TXLNB: variants seen among roughly 807,000 people sequenced by gnomAD.
TXLNB encodes the protein beta-taxilin.
A neutral mutation model predicts 57.4 loss-of-function variants in TXLNB; 37 were observed. The ratio of observed to expected loss-of-function variants is 0.64; its 90% CI spans 0.50 to 0.85. The LOEUF is 0.85. TXLNB is among the 40% of genes least tolerant of loss of function. TXLNB has a pLI of 0.00. For missense variants in TXLNB, 848 were observed against 825.6 expected (o/e 1.03, Z -0.33); for synonymous variants, 302 against 309.6 (o/e 0.98, Z 0.26).
the TXLNB span, among the ~76,000 whole-genome samples, chr6:139,197,478 T>G: frequency 6.6e-6 from 1 of 152,170 alleles, no homozygotes; most frequent in Non-Finnish European, 1.5e-5. Context: ...CTTTCACTAG[T>G]TGGAGGTATG....
chr6:139,218,357 C>CA, the TXLNB span, among the ~76,000 whole-genome samples: 31 of 152,174 alleles, frequency 2.0e-4, no homozygotes, highest in South Asian at 5.8e-3. Flanking sequence ...GTGAATACTG[C>CA]AAAAAGATTT....
chr6:139,288,863 G>C lies in TXLNB; in HGVS notation c.37C>G (p.Arg13Gly). ...ANHSEQLSAE[R>G]QSTPPGDSSS... ...CTGTCACCTGGAGGTGTTGACTGTC[G>C]TTCCGCTGAGAGCTGTTCAGAGTGA... The change falls in exon 2 of 10, where the codon CGA (arginine) becomes GGA (glycine). Residue 13 changes from arginine to glycine, a missense_variant. Coordinates refer to ENST00000358430, the MANE Select transcript of TXLNB (RefSeq NM_153235.4). 6.2e-7 allele frequency: 1 copy of C among 1,614,074 alleles called. No individual in the cohort carries two copies. Among genetic ancestry groups the C allele is most frequent in the East Asian group, 2.2e-5 (1 of 44,884 alleles).
At chr6:139,160,116 C>T in the TXLNB span, among the ~76,000 whole-genome samples, 3 of 152,128 alleles carry the variant, frequency 2.0e-5, no homozygotes, top group South Asian at 6.2e-4. Flanking sequence ...ACCCTGTTAT[C>T]CAGACTTGAA....
the TXLNB span, among the ~76,000 whole-genome samples, chr6:139,175,481 C>T: frequency 6.6e-6 from 1 of 152,126 alleles, no homozygotes; most frequent in African/African-American, 2.4e-5. Context: ...TGCCTTGATG[C>T]CAGCTCTTGA....
chr6:139,224,360 G>C, the TXLNB span, among the ~76,000 whole-genome samples: 1 of 150,974 alleles, frequency 6.6e-6, no homozygotes, highest in African/African-American at 2.4e-5. Context: ...TGACGAGTTA[G>C]TGGGTGCAGT....
At chr6:139,291,068 G>A (rs1777289081) in intron 1 of TXLNB, among the ~76,000 whole-genome samples, 1 of 152,084 alleles carries the variant, frequency 6.6e-6, no homozygotes, top group Non-Finnish European at 1.5e-5. Flanking sequence ...TTTCATCACT[G>A]GGATTTCTTT....
intron 2 of TXLNB, among the ~76,000 whole-genome samples, chr6:139,278,919 A>G (rs1776973511): frequency 1.3e-5 from 2 of 152,140 alleles, no homozygotes; most frequent in African/African-American, 4.8e-5. Context: ...CAGGGGAATC[A>G]CTTGAACCCA....
chr6:139,209,798 T>C, the TXLNB span, among the ~76,000 whole-genome samples: 51 of 152,284 alleles, frequency 3.3e-4, no homozygotes, highest in Admixed American at 3.1e-3. Flanking sequence ...CTTTTAGACA[T>C]TGGCATAGAC....
downstream of TXLNB, among the ~76,000 whole-genome samples, chr6:139,236,066 C>G (rs576540850): frequency 1.3e-5 from 2 of 152,244 alleles, no homozygotes; most frequent in Non-Finnish European, 2.9e-5. Flanking sequence ...TCTGGCCTCC[C>G]CATTCACCTC....
the TXLNB span, among the ~76,000 whole-genome samples, chr6:139,313,663 A>G: frequency 1.3e-5 from 2 of 152,170 alleles, no homozygotes; most frequent in Non-Finnish European, 2.9e-5. Context: ...CTGGGAAGGT[A>G]AATTTTAATT....
intron 7 of TXLNB, among the ~76,000 whole-genome samples, chr6:139,252,566 G>A (rs1366340600): frequency 2.6e-5 from 4 of 152,352 alleles, no homozygotes; most frequent in African/African-American, 9.6e-5. Context: ...TGCAGGCAAT[G>A]GACAAGGCGG....
chr6:139,218,369 G>A, the TXLNB span, among the ~76,000 whole-genome samples: 4 of 152,232 alleles, frequency 2.6e-5, no homozygotes, highest in Non-Finnish European at 5.9e-5. Context: ...AAAAGATTTA[G>A]CACTTTGAGA....
intron 6 of TXLNB, among the ~76,000 whole-genome samples, chr6:139,256,268 G>A (rs1776337185): frequency 6.6e-6 from 1 of 152,148 alleles, no homozygotes; most frequent in South Asian, 2.1e-4. Context: ...TTCAGCCTCT[G>A]CTGGAACCTC....
At chr6:139,178,314 A>AT in the TXLNB span, 24 of 152,318 alleles carry the variant, frequency 1.6e-4, no homozygotes, top group East Asian at 4.6e-3. Flanking sequence ...GGTTCAGTAG[A>AT]TTTTAATGCT....
At chr6:139,234,124 G>C in the TXLNB span, 1 of 152,146 alleles carries the variant, frequency 6.6e-6, no homozygotes, top group Non-Finnish European at 1.5e-5. Flanking sequence ...GAGGATTTAG[G>C]ATATCTATGG....
intron 4 of TXLNB, among the ~76,000 whole-genome samples, chr6:139,267,981 T>A (rs1426725908): frequency 6.6e-6 from 1 of 151,800 alleles, no homozygotes; most frequent in Non-Finnish European, 1.5e-5. Flanking sequence ...TGAAACCCCG[T>A]CTCTACTAAA....
the TXLNB span, among the ~76,000 whole-genome samples, chr6:139,172,434 C>T: frequency 9.8e-5 from 15 of 152,296 alleles, no homozygotes; most frequent in African/African-American, 3.1e-4. Context: ...CTGCCCTCCC[C>T]GGACCCTGTC....
the TXLNB span, among the ~76,000 whole-genome samples, chr6:139,312,355 T>C: frequency 3.3e-5 from 5 of 152,348 alleles, no homozygotes; most frequent in Admixed American, 6.5e-5. Context: ...GGCACAGTTA[T>C]AGTCAAAAAA....
At chr6:139,162,552 T>A in the TXLNB span, among the ~76,000 whole-genome samples, 1 of 152,160 alleles carries the variant, frequency 6.6e-6, no homozygotes, top group Non-Finnish European at 1.5e-5. Flanking sequence ...AGTGGCTGAA[T>A]GGGATTTGGA....
Sources: allele counts gnomAD v4.1 joint callset (sites outside exome capture counted in the v4.1 genomes callset), GRCh38; gene constraint gnomAD v4.1.1; transcripts MANE v1.5; gene names NCBI Gene and HGNC (gene_info 2026-07-23, HGNC 2026-07-21).